ARHGAP20: variants seen among roughly 807,000 people sequenced by gnomAD.
The protein encoded by ARHGAP20 is Rho GTPase activating protein 20, also known as rho GTPase-activating protein 20.
In ARHGAP20, 34 loss-of-function variants were observed where a neutral mutation model predicts 73.7. The ratio of observed to expected loss-of-function variants is 0.46; its 90% CI spans 0.35 to 0.61. The LOEUF (loss-of-function observed/expected upper bound fraction) is 0.61, where lower values mean the gene tolerates loss of function less well. Among genes scored for constraint, ARHGAP20 ranks in the 20% least tolerant of loss-of-function variants. ARHGAP20 has a pLI of 0.00. For missense variants in ARHGAP20, 1,314 were observed against 1,420.9 expected, an observed-to-expected ratio of 0.92 and a Z score of 1.21; for synonymous variants, 523 against 518.2, an observed-to-expected ratio of 1.01 and a Z score of -0.13.
At position 110,614,907 on chromosome 11, in the gene ARHGAP20, G is replaced by C. The variant is rs562140834; in HGVS notation, c.546-262C>G. 8.1e-4 allele frequency among the ~76,000 whole-genome samples: 123 copies of C among 152,184 alleles called. No individual in the cohort carries two copies. In the Middle Eastern group the frequency reaches 0.014, roughly 17 times the overall value. On this transcript the variant is annotated intron_variant, in intron 5 of 14. Coordinates refer to ENST00000683387, the MANE Select transcript of ARHGAP20 (RefSeq NM_001384657.1). ...GGTTTGAGAAGCACAATCAGGTTAG[G>C]GCACCTCTGGGTAATGTCTGTCTTC...
chr11:110,712,116 A>G lies in ARHGAP20; in HGVS notation c.105+11T>C. 7.5e-7 allele frequency: 1 copy of G among 1,326,034 alleles called. No individual in the cohort carries two copies. The highest frequency in any genetic ancestry group is 9.7e-7 in the Non-Finnish European group (1 of 1,033,458). 82.1% of individuals were successfully genotyped at this position (1,326,034 alleles called of 1,614,324 possible). ...CGGCGGAGGGCACGGGCCCCCGCTC[A>G]GCGTCCTCACCTTCTTGGTGCAGCT... On this transcript the variant is annotated intron_variant, in intron 1 of 14. Coordinates refer to ENST00000683387, the MANE Select transcript of ARHGAP20 (RefSeq NM_001384657.1).
intron 1 of ARHGAP20, among the ~76,000 whole-genome samples, chr11:110,705,167 G>T (rs374263185): frequency 4.9e-4 from 74 of 152,134 alleles, no homozygotes; most frequent in South Asian, 1.5e-3. Flanking sequence ...CCTTTACTTT[G>T]AAAAGAATAG....
At chr11:110,615,661 A>G in intron 4 of ARHGAP20, 67 bp from the exon 5 acceptor site, 1 of 1,410,298 alleles carries the variant, frequency 7.1e-7, no homozygotes, top group Non-Finnish European at 9.9e-7. Flanking sequence ...CAGATTTAGG[A>G]TTGTCAATCC....
At position 110,580,858 on chromosome 11, in the gene ARHGAP20, G is replaced by A; in HGVS notation, c.2088C>T (p.Ser696=). 1 of 1,612,750 alleles carries A rather than the reference G, an allele frequency of 6.2e-7. No homozygotes were observed. Among genetic ancestry groups the A allele is most frequent in the South Asian group, 1.1e-5 (1 of 91,046 alleles). Reference sequence around the variant, plus strand: ...CTGAGCAACGCCGGTGTCGCCTCAGGCTTTTTGCAGCATTTGCTGCAGCTG... The same window carrying A: ...CTGAGCAACGCCGGTGTCGCCTCAGACTTTTTGCAGCATTTGCTGCAGCTG... ...LSTAAANAAK[S]LRRHRRCSEP... is the part of the protein sequence containing the mutation. Residue 696 remains serine (S), a synonymous_variant, in exon 15 of 15, where the codon AGC becomes AGT. Transcript: ENST00000683387.
intron 1 of ARHGAP20, among the ~76,000 whole-genome samples, chr11:110,702,628 T>C (rs551935719): frequency 6.6e-6 from 1 of 152,320 alleles, no homozygotes; most frequent in Admixed American, 6.5e-5. Context: ...ATTGTATATC[T>C]AGAAAACTCC....
At chr11:110,593,243 G>T (rs772496231) in intron 9 of ARHGAP20, among the ~76,000 whole-genome samples, 12 of 152,174 alleles carry the variant, frequency 7.9e-5, no homozygotes, top group Admixed American at 2.0e-4. Context: ...AAGGTCAACA[G>T]TAAGGTATGG....
chr11:110,609,093 T>G, intron 7 of ARHGAP20, 43 bp from the exon 8 acceptor site: 1 of 1,578,832 alleles, frequency 6.3e-7, no homozygotes, highest in Non-Finnish European at 8.7e-7. Flanking sequence ...ATCTTTCACA[T>G]TTGATACTTG....
chr11:110,624,351 G>A, intron 3 of ARHGAP20, 40 bp from the exon 4 acceptor site: 1 of 1,467,300 alleles, frequency 6.8e-7, no homozygotes, highest in Non-Finnish European at 9.0e-7. Context: ...TTGTTATTTT[G>A]TTTCTTAAAT....
chr11:110,630,477 T>C (rs1948837003), intron 3 of ARHGAP20, 151 bp downstream of exon 3: 3 of 771,554 alleles, frequency 3.9e-6, no homozygotes, highest in Non-Finnish European at 6.2e-6. Flanking sequence ...CAATCGATTT[T>C]TTTTTGCAAT....
At chr11:110,584,038 T>A (rs1947549334) in intron 12 of ARHGAP20, among the ~76,000 whole-genome samples, 1 of 152,204 alleles carries the variant, frequency 6.6e-6, no homozygotes, top group African/African-American at 2.4e-5. Context: ...GAAACTAGCA[T>A]AATGCAAACT....
chr11:110,670,797 T>C (rs565484230), intron 2 of ARHGAP20, among the ~76,000 whole-genome samples: 1 of 152,142 alleles, frequency 6.6e-6, no homozygotes, highest in African/African-American at 2.4e-5. Context: ...CCACAACCCC[T>C]TTCTAACCAC....
intron 7 of ARHGAP20, among the ~76,000 whole-genome samples, chr11:110,609,813 A>G (rs1483342872): frequency 1.3e-5 from 2 of 152,100 alleles, no homozygotes; most frequent in African/African-American, 4.8e-5. Context: ...TGCCCTTACA[A>G]TACCATAAAA....
intron 2 of ARHGAP20, among the ~76,000 whole-genome samples, chr11:110,665,653 C>T (rs1949709467): frequency 6.6e-6 from 1 of 152,126 alleles, no homozygotes; most frequent in Non-Finnish European, 1.5e-5. Context: ...AACAGAGTGC[C>T]TTGAGAAAAG....
chr11:110,678,620 C>A (rs932535593), intron 2 of ARHGAP20, among the ~76,000 whole-genome samples: 12 of 152,092 alleles, frequency 7.9e-5, no homozygotes, highest in African/African-American at 2.7e-4. Flanking sequence ...AAATTACCCC[C>A]AAACATAGCA....
At position 110,619,581 on chromosome 11, in the gene ARHGAP20, G is replaced by A. The variant is rs147044197; in HGVS notation, c.504-3987C>T. On this transcript the variant is annotated intron_variant, in intron 4 of 14. Transcript: ENST00000683387. The stretch of plus-strand genomic sequence containing the variant: ...GTGATAGAGTATATGTAGTGATAGC[G>A]TATATGTAGTGATAGAGTGTATGCA... Among the ~76,000 whole-genome samples the A allele has an allele frequency of 1.1e-3, 169 of 151,002 alleles. 2 individuals carry two copies. Among genetic ancestry groups the A allele is most frequent in the African/African-American group, 3.4e-3 (141 of 41,060 alleles).
intron 1 of ARHGAP20, among the ~76,000 whole-genome samples, chr11:110,709,768 A>G (rs1950613032): frequency 6.6e-6 from 1 of 152,236 alleles, no homozygotes; most frequent in Non-Finnish European, 1.5e-5. Flanking sequence ...GACAGGGCCA[A>G]GAAAAAGGGG....
intron 3 of ARHGAP20, among the ~76,000 whole-genome samples, chr11:110,626,959 T>C (rs564965574): frequency 7.3e-4 from 111 of 152,244 alleles, no homozygotes; most frequent in African/African-American, 2.6e-3. Flanking sequence ...TATTAGACTA[T>C]AGAAATTTAA....
At chr11:110,585,094 A>AATATATGAATATATGTGAAT (rs747966252) in intron 12 of ARHGAP20, among the ~76,000 whole-genome samples, 26 of 150,164 alleles carry the variant, frequency 1.7e-4, no homozygotes, top group African/African-American at 4.6e-4. Flanking sequence ...AATATATGTG[A>AATATATGAATATATGTGAAT]ATATATGAAT....
chr11:110,682,480 C>T (rs1479004336), intron 2 of ARHGAP20, among the ~76,000 whole-genome samples: 2 of 152,176 alleles, frequency 1.3e-5, no homozygotes, highest in Non-Finnish European at 2.9e-5. Context: ...AGTCTATGCA[C>T]TAAGGTACTG....
Sources: gnomAD v4.1 joint callset for allele counts (sites outside exome capture counted in the v4.1 genomes callset) on GRCh38, gnomAD v4.1.1 for gene constraint, MANE v1.5 for transcripts, NCBI Gene and HGNC (gene_info 2026-07-23, HGNC 2026-07-21) for gene names.